Variants in GLIS1 observed in about 807,000 individuals in gnomAD.
GLIS1 encodes the protein zinc finger protein GLIS1.
In GLIS1, 24 loss-of-function variants were observed where a neutral mutation model predicts 63.8. The ratio of observed to expected loss-of-function variants is 0.38; its 90% CI spans 0.27 to 0.53. The LOEUF is 0.53. Ranked by LOEUF, GLIS1 falls within the 20% of genes least tolerant of loss-of-function variation. The probability of loss-of-function intolerance (pLI) is 0.85; values close to 1 mark genes in which losing one functional copy is unlikely to be tolerated. For synonymous variants in GLIS1, 450 were observed against 482.5 expected, an observed-to-expected ratio of 0.93 and a Z score of 0.88; for missense variants, 1,036 against 1,074.1, an observed-to-expected ratio of 0.96 and a Z score of 0.50.
chr1:53,545,836 G>A (rs1352533723), intron 4 of GLIS1, among the ~76,000 whole-genome samples: 4 of 152,248 alleles, frequency 2.6e-5, no homozygotes, highest in Non-Finnish European at 5.9e-5. Flanking sequence ...CCTTGCGTGA[G>A]TCGCTGCAGA....
chr1:53,514,741 T>A lies in GLIS1; in HGVS notation c.1767A>T (p.Ala589=). ...PGSITPHNGL[A]SGLLPPAHDV... Reference sequence around the variant, plus strand: ...CGTGCGCTGGGGGCAGGAGGCCCGATGCAAGTCCGTTATGGGGGGTGATGG... The same window carrying A: ...CGTGCGCTGGGGGCAGGAGGCCCGAAGCAAGTCCGTTATGGGGGGTGATGG... The change falls in exon 8 of 11, where the codon GCA becomes GCT. Residue 589 remains alanine (A), a synonymous_variant. Transcript: ENST00000628545. The A allele has an allele frequency of 6.2e-7, 1 of 1,610,022 alleles. No homozygotes were observed.
intron 4 of GLIS1, among the ~76,000 whole-genome samples, chr1:53,550,410 G>C (rs746676563): frequency 3.3e-5 from 5 of 152,244 alleles, no homozygotes; most frequent in Non-Finnish European, 7.3e-5. Flanking sequence ...AGGGCTGGGA[G>C]GGTTAGACAT....
chr1:53,629,879 C>T (rs1489397313), intron 2 of GLIS1, among the ~76,000 whole-genome samples: 2 of 152,178 alleles, frequency 1.3e-5, no homozygotes, highest in East Asian at 3.8e-4. Context: ...CCACCCTAGG[C>T]CATTCAATAT....
intron 2 of GLIS1, among the ~76,000 whole-genome samples, chr1:53,727,328 G>T (rs764157317): frequency 2.8e-4 from 42 of 151,928 alleles, no homozygotes; most frequent in Non-Finnish European, 5.6e-4. Context: ...GGGGCTCTAA[G>T]CCTGTCCTGG....
intron 2 of GLIS1, among the ~76,000 whole-genome samples, chr1:53,605,261 C>G (rs1178025242): frequency 6.6e-6 from 1 of 152,128 alleles, no homozygotes; most frequent in East Asian, 1.9e-4. Flanking sequence ...CCTAGACTCC[C>G]CTGTCCACCT....
At chr1:53,644,310 T>C (rs1645818987) in intron 2 of GLIS1, among the ~76,000 whole-genome samples, 2 of 152,208 alleles carry the variant, frequency 1.3e-5, no homozygotes, top group Non-Finnish European at 2.9e-5. Flanking sequence ...TAAATCACTA[T>C]TTATCATACA....
At chr1:53,676,611 C>T (rs1001125976) in intron 2 of GLIS1, among the ~76,000 whole-genome samples, 1 of 152,166 alleles carries the variant, frequency 6.6e-6, no homozygotes, top group Non-Finnish European at 1.5e-5. Context: ...CCCGCACGCA[C>T]CCCCAGCCCC....
chr1:53,569,452 A>G (rs1286173839), intron 4 of GLIS1, among the ~76,000 whole-genome samples: 1 of 150,788 alleles, frequency 6.6e-6, no homozygotes, highest in African/African-American at 2.4e-5. Context: ...GTGAACCTAA[A>G]ACTGCTCTAA....
intron 2 of GLIS1, among the ~76,000 whole-genome samples, chr1:53,736,210 A>G (rs1303664957): frequency 1.3e-5 from 2 of 152,208 alleles, no homozygotes; most frequent in African/African-American, 4.8e-5. Flanking sequence ...GCCCTTTCCA[A>G]ATGGAATCCT....
intron 2 of GLIS1, among the ~76,000 whole-genome samples, chr1:53,680,147 A>G (rs1282834894): frequency 6.6e-6 from 1 of 152,152 alleles, no homozygotes; most frequent in Non-Finnish European, 1.5e-5. Flanking sequence ...CACTCACAGG[A>G]GATTCTAAAG....
intron 2 of GLIS1, among the ~76,000 whole-genome samples, chr1:53,732,400 C>T (rs890563138): frequency 1.3e-5 from 2 of 152,168 alleles, no homozygotes; most frequent in Non-Finnish European, 2.9e-5. Flanking sequence ...TACTTTTCCC[C>T]CTCTTTTCTG....
At position 53,529,927 on chromosome 1, in the gene GLIS1, G is replaced by A. The variant is rs747562057; in HGVS notation, c.1346C>T (p.Ser449Leu). Residue 449 changes from serine (S) to leucine (L), a missense_variant, in exon 5 of 11, where the codon TCA becomes TTA. Transcript: ENST00000628545. Reference protein sequence around the residue: ...CMFEGCSKAFSRLENLKIHLR... With the variant: ...CMFEGCSKAFLRLENLKIHLR... ...GTGGATCTTGAGGTTCTCCAGCCGTGAGAAGGCCTTGCTGCAGCCTTCAAA... is the reference window on the plus strand; with the variant it reads ...GTGGATCTTGAGGTTCTCCAGCCGTAAGAAGGCCTTGCTGCAGCCTTCAAA... 4 of 1,613,646 alleles carry A rather than the reference G, an allele frequency of 2.5e-6. No individual in the cohort carries two copies. The Admixed American group carries it at 5.0e-5, about 20-fold the overall frequency.
intron 2 of GLIS1, among the ~76,000 whole-genome samples, chr1:53,672,841 C>T (rs566330721): frequency 1.3e-5 from 2 of 152,180 alleles, no homozygotes; most frequent in Non-Finnish European, 2.9e-5. Context: ...AAAAGCGGGC[C>T]GTGATCTCCC....
intron 2 of GLIS1, among the ~76,000 whole-genome samples, chr1:53,734,677 G>A (rs546261131): frequency 3.7e-4 from 56 of 152,314 alleles, no homozygotes; most frequent in Non-Finnish European, 6.2e-4. Flanking sequence ...CCCAGCTGGC[G>A]TGAGGGCAGA....
chr1:53,715,597 G>T (rs748760372), intron 2 of GLIS1, among the ~76,000 whole-genome samples: 11 of 152,158 alleles, frequency 7.2e-5, no homozygotes, highest in Non-Finnish European at 1.6e-4. Context: ...CCAATGAGGA[G>T]ACTCCTGCAA....
At chr1:53,619,158 C>G (rs963842434) in intron 2 of GLIS1, among the ~76,000 whole-genome samples, 1 of 152,216 alleles carries the variant, frequency 6.6e-6, no homozygotes, top group African/African-American at 2.4e-5. Context: ...CCTGCCTGGT[C>G]TGGCCTGGTT....
At chr1:53,658,644 T>C (rs7516195) in intron 2 of GLIS1, among the ~76,000 whole-genome samples, 145,238 of 152,234 alleles carry the variant, frequency 0.95, 69,587 homozygotes, top group East Asian at 1. Context: ...CAGTAGCACC[T>C]CAGGTGGGTC....
At chr1:53,734,639 C>T (rs1445541588) in intron 2 of GLIS1, among the ~76,000 whole-genome samples, 2 of 152,218 alleles carry the variant, frequency 1.3e-5, no homozygotes, top group Non-Finnish European at 2.9e-5. Flanking sequence ...CATCTGCTCC[C>T]TCACAAGAGC....
intron 4 of GLIS1, among the ~76,000 whole-genome samples, chr1:53,579,917 G>A (rs1027307502): frequency 3.3e-5 from 5 of 152,366 alleles, no homozygotes; most frequent in South Asian, 4.1e-4. Context: ...TGAGGTTATC[G>A]TAGGACTATA....
Sources: gnomAD v4.1 joint callset for allele counts (sites outside exome capture counted in the v4.1 genomes callset) on GRCh38, gnomAD v4.1.1 for gene constraint, MANE v1.5 for transcripts, NCBI Gene and HGNC (gene_info 2026-07-23, HGNC 2026-07-21) for gene names.